The following BCKDHB variants were observed in gnomAD, a reference collection of about 807,000 sequenced individuals.
The protein encoded by BCKDHB is 2-oxoisovalerate dehydrogenase subunit beta, mitochondrial.
In BCKDHB, 41 loss-of-function variants were observed where a neutral mutation model predicts 48.5. The ratio of observed to expected loss-of-function variants is 0.85; its 90% CI spans 0.66 to 1.10. The LOEUF (loss-of-function observed/expected upper bound fraction) is 1.10, where lower values mean the gene tolerates loss of function less well. BCKDHB is among the 50% of genes least tolerant of loss of function. The pLI, the probability that BCKDHB is intolerant of heterozygous loss-of-function variation, is 0.00. For synonymous variants in BCKDHB, 201 were observed against 174.8 expected (o/e 1.15, Z -1.18); for missense variants, 496 against 494.2 (o/e 1.00, Z -0.03).
At chr6:80,211,704 T>G (rs1188627643) in intron 8 of BCKDHB, among the ~76,000 whole-genome samples, 2 of 152,138 alleles carry the variant, frequency 1.3e-5, no homozygotes, top group African/African-American at 4.8e-5. Flanking sequence ...CACTCTGTTA[T>G]TCTATCAGGG....
At chr6:80,175,270 A>T (rs1773097571) in intron 6 of BCKDHB, among the ~76,000 whole-genome samples, 1 of 152,090 alleles carries the variant, frequency 6.6e-6, no homozygotes, top group South Asian at 2.1e-4. Flanking sequence ...GCACACATTA[A>T]ATTTCGCTTC....
chr6:80,229,482 A>G (rs1391729159), intron 8 of BCKDHB, among the ~76,000 whole-genome samples: 1 of 152,212 alleles, frequency 6.6e-6, no homozygotes, highest in Non-Finnish European at 1.5e-5. Context: ...GTAGTCGGGT[A>G]AGCAAAGATT....
the BCKDHB span, among the ~76,000 whole-genome samples, chr6:80,375,159 AG>A: frequency 6.6e-6 from 1 of 152,144 alleles, no homozygotes; most frequent in Non-Finnish European, 1.5e-5. Context: ...TGAATTTCCC[AG>A]GTGTTCTTTG....
intron 2 of BCKDHB, 63 bp downstream of exon 2, chr6:80,127,687 A>G (rs938213326): frequency 5.6e-6 from 8 of 1,416,862 alleles, no homozygotes; most frequent in Non-Finnish European, 8.0e-6. Flanking sequence ...AGATTTGCTT[A>G]AAATATTTAT....
chr6:80,158,275 A>G (rs771136280), intron 3 of BCKDHB, among the ~76,000 whole-genome samples: 64 of 152,150 alleles, frequency 4.2e-4, no homozygotes, highest in Non-Finnish European at 6.6e-4. Context: ...AAGCACATAC[A>G]TTTGTTTCTG....
chr6:80,432,774 T>A, the BCKDHB span, among the ~76,000 whole-genome samples: 1 of 152,220 alleles, frequency 6.6e-6, no homozygotes, highest in Non-Finnish European at 1.5e-5. Flanking sequence ...GTTTTTGGAA[T>A]TTTTAGCCAT....
At chr6:80,423,007 A>G in the BCKDHB span, among the ~76,000 whole-genome samples, 1 of 152,158 alleles carries the variant, frequency 6.6e-6, no homozygotes, top group Non-Finnish European at 1.5e-5. Flanking sequence ...GCGTGGAATA[A>G]TATGGTTTGG....
the BCKDHB span, among the ~76,000 whole-genome samples, chr6:80,400,614 T>C: frequency 7.4e-3 from 1,133 of 152,170 alleles, 14 homozygotes; most frequent in African/African-American, 0.025. Flanking sequence ...ACATATACTG[T>C]TGGTGGGAGT....
In BCKDHB at chr6:80,210,240, A is replaced by G. The variant is rs545824180; in HGVS notation, c.951+7028A>G. Among the ~76,000 whole-genome samples the G allele has an allele frequency of 5.9e-5, 9 of 151,950 alleles. No homozygotes were observed. In the East Asian group the frequency reaches 1.5e-3, roughly 26 times the overall value. Reference sequence around the variant, plus strand: ...TCATCAACTAGAGAATGGATCAATAATAAGTATAATATTGTTCAGCGATGA... The same window carrying G: ...TCATCAACTAGAGAATGGATCAATAGTAAGTATAATATTGTTCAGCGATGA... On this transcript the variant is annotated intron_variant, in intron 8 of 9. Coordinates refer to ENST00000320393, the MANE Select transcript of BCKDHB (RefSeq NM_183050.4).
At chr6:80,422,797 C>A in the BCKDHB span, among the ~76,000 whole-genome samples, 1 of 152,152 alleles carries the variant, frequency 6.6e-6, no homozygotes, top group Non-Finnish European at 1.5e-5. Context: ...AATGCCTCTA[C>A]CCCAGTTGTA....
the BCKDHB span, among the ~76,000 whole-genome samples, chr6:80,382,507 G>A: frequency 6.6e-6 from 1 of 152,114 alleles, no homozygotes; most frequent in Non-Finnish European, 1.5e-5. Context: ...TCAGTTAGAT[G>A]TTCATTCCTT....
intron 9 of BCKDHB, among the ~76,000 whole-genome samples, chr6:80,322,055 T>C (rs1014534581): frequency 6.6e-6 from 1 of 152,106 alleles, no homozygotes; most frequent in African/African-American, 2.4e-5. Context: ...GATGCTCCTA[T>C]TTGGGTCTTC....
At chr6:80,292,155 G>T (rs1184712533) in intron 9 of BCKDHB, among the ~76,000 whole-genome samples, 4 of 151,970 alleles carry the variant, frequency 2.6e-5, no homozygotes, top group Non-Finnish European at 5.9e-5. Context: ...CAAGGTATGA[G>T]GCCAGTTTTC....
the BCKDHB span, among the ~76,000 whole-genome samples, chr6:80,427,338 T>C: frequency 6.6e-6 from 1 of 152,076 alleles, no homozygotes; most frequent in Non-Finnish European, 1.5e-5. Context: ...TAACACTTTA[T>C]ATATAGTGTA....
In BCKDHB at chr6:80,338,046, CA is replaced by C. The variant is rs544848223; in HGVS notation, c.1039-5617del. On this transcript the variant is annotated intron_variant, in intron 9 of 9. Coordinates refer to ENST00000320393, the MANE Select transcript of BCKDHB (RefSeq NM_183050.4). Reference sequence around the variant, plus strand: ...TCCGATCTCACTTTGAACTTTTCTTCACAGTTTTCCAACTCAAGATGGTATA... The same window carrying C: ...TCCGATCTCACTTTGAACTTTTCTTCCAGTTTTCCAACTCAAGATGGTATA... Among the ~76,000 whole-genome samples the C allele has an allele frequency of 4.1e-3, 629 of 151,772 alleles. 5 individuals are homozygous for C. Among genetic ancestry groups the C allele is most frequent in the Non-Finnish European group, 5.1e-3 (348 of 67,638 alleles).
the BCKDHB span, among the ~76,000 whole-genome samples, chr6:80,398,171 A>T: frequency 3.3e-5 from 5 of 151,634 alleles, no homozygotes; most frequent in South Asian, 8.3e-4. Flanking sequence ...CTAAAAAAAA[A>T]TTAGGGAAGC....
chr6:80,250,848 A>G (rs577630158), intron 8 of BCKDHB, among the ~76,000 whole-genome samples: 1 of 152,238 alleles, frequency 6.6e-6, no homozygotes, highest in African/African-American at 2.4e-5. Flanking sequence ...TCTAGTCCTA[A>G]CCCCACATCT....
chr6:80,290,996 T>G (rs962829744), intron 9 of BCKDHB, among the ~76,000 whole-genome samples: 2 of 152,210 alleles, frequency 1.3e-5, no homozygotes, highest in African/African-American at 4.8e-5. Flanking sequence ...ATCTTGGTTT[T>G]GGTGGGTCTT....
intron 6 of BCKDHB, among the ~76,000 whole-genome samples, chr6:80,186,135 C>T (rs1773627955): frequency 6.6e-6 from 1 of 152,090 alleles, no homozygotes; most frequent in African/African-American, 2.4e-5. Context: ...TTGGGTTCTT[C>T]AGGCAATGGA....
Sources: gnomAD v4.1 joint callset for allele counts (sites outside exome capture counted in the v4.1 genomes callset) on GRCh38, gnomAD v4.1.1 for gene constraint, MANE v1.5 for transcripts, NCBI Gene and HGNC (gene_info 2026-07-23, HGNC 2026-07-21) for gene names.